LRRC74B: variants seen among roughly 807,000 people sequenced by gnomAD.
The protein encoded by LRRC74B is leucine rich repeat containing 74B.
Under a neutral mutation model 16.6 loss-of-function variants are expected in LRRC74B, and 30 were observed. That is an observed-to-expected ratio of 1.80 (90% CI 1.35 to 2.45). The LOEUF (loss-of-function observed/expected upper bound fraction) is 2.45. Among genes scored for constraint, LRRC74B ranks in the 30% most tolerant of loss-of-function variants. LRRC74B has a pLI of 0.00. For synonymous variants in LRRC74B, 134 were observed against 86.0 expected, an observed-to-expected ratio of 1.56 and a Z score of -3.09; for missense variants, 326 against 202.4, an observed-to-expected ratio of 1.61 and a Z score of -3.71.
downstream of LRRC74B, chr22:21,064,073 G>C (rs911391550): frequency 2.0e-5 from 3 of 149,688 alleles, no homozygotes; most frequent in African/African-American, 7.3e-5. Context: ...ATCCATGCCC[G>C]GGGGCAATTG....
rs1601801592 is a variant in LRRC74B, at chr22:21,046,202, G to C, written c.139+77G>C. ...CGCAGGGGTTGGGGGAGGCGGGCTG[G>C]GGCTAAGGCCAGCAGGGAACGTACC... On this transcript the variant is annotated intron_variant, in intron 1 of 8. Transcript: ENST00000442047. 11 of 695,994 alleles carry C rather than the reference G, an allele frequency of 1.6e-5. No homozygotes were observed. In the East Asian group the frequency reaches 3.0e-4, roughly 19 times the overall value. 43.1% of individuals were successfully genotyped at this position (695,994 alleles called of 1,614,324 possible).
In LRRC74B at chr22:21,055,062, G is replaced by A. The variant is rs562867316; in HGVS notation, c.849-36G>A. Reference sequence around the variant, plus strand: ...TGGGCTCTGCACCGCTGCTTGGAAGGTTGCACAATGCATGTGCCTGTTGTT... The same window carrying A: ...TGGGCTCTGCACCGCTGCTTGGAAGATTGCACAATGCATGTGCCTGTTGTT... On this transcript the variant is annotated intron_variant, in intron 6 of 8. Transcript: ENST00000442047. 8.1e-5 allele frequency: 58 copies of A among 714,980 alleles called. No homozygotes were observed. The African/African-American group carries it at 9.1e-4, about 11-fold the overall frequency. 44.3% of individuals were successfully genotyped at this position (714,980 alleles called of 1,614,324 possible).
downstream of LRRC74B, chr22:21,060,703 C>A (rs1930769795): frequency 1.9e-6 from 1 of 522,788 alleles, no homozygotes; most frequent in Non-Finnish European, 3.4e-6. Context: ...CCCACGGACC[C>A]TGCACTCATC....
chr22:21,047,963 GGGCAGGTGCAGAGGCCCT>G (rs1327102388), exon 3 of LRRC74B: 3 of 717,262 alleles, frequency 4.2e-6, no homozygotes, highest in African/African-American at 1.7e-5. Context: ...GGGCTCTGTG[GGGCAGGTGCAGAGGCCCT>G]GGCAGGTGCC....
chr22:21,060,531 T>C (rs1344381652), downstream of LRRC74B: 2 of 701,610 alleles, frequency 2.9e-6, no homozygotes, highest in Non-Finnish European at 5.3e-6. Context: ...CTAAGTGACC[T>C]TGGAGTGTGG....
chr22:21,052,444 C>T (rs552504646), intron 5 of LRRC74B, 86 bp downstream of exon 5: 7 of 694,664 alleles, frequency 1.0e-5, no homozygotes, highest in African/African-American at 1.8e-5. Context: ...TGCAGCTCCT[C>T]GGAAATGAAC....
intron 7 of LRRC74B, among the ~76,000 whole-genome samples, chr22:21,056,064 A>C (rs1930498678): frequency 6.6e-6 from 1 of 151,626 alleles, no homozygotes; most frequent in East Asian, 1.9e-4. Context: ...CCCTCTTCTG[A>C]CTTCCTCTCT....
chr22:21,046,962 G>A (rs1433641169), intron 1 of LRRC74B, among the ~76,000 whole-genome samples: 1 of 151,824 alleles, frequency 6.6e-6, no homozygotes, highest in Non-Finnish European at 1.5e-5. Flanking sequence ...GTGTGGTGGT[G>A]GGCGCCTGTA....
At chr22:21,047,299 G>A (rs1569193156) in intron 1 of LRRC74B, 57 bp from the exon 2 acceptor site, 4 of 696,498 alleles carry the variant, frequency 5.7e-6, no homozygotes, top group Admixed American at 2.1e-5. Context: ...GGGCAGGGGA[G>A]GACACAGGTG....
intron 4 of LRRC74B, among the ~76,000 whole-genome samples, chr22:21,050,767 G>GACTCTGTC (rs1491074526): frequency 8.7e-6 from 1 of 115,492 alleles, no homozygotes; most frequent in Non-Finnish European, 1.7e-5. Flanking sequence ...GAAAGAGCGA[G>GACTCTGTC]ACTCTGTCTC....
chr22:21,053,256 T>A (rs895093197), intron 5 of LRRC74B, 104 bp from the exon 6 acceptor site: 11 of 639,928 alleles, frequency 1.7e-5, no homozygotes, highest in Non-Finnish European at 2.6e-5. Flanking sequence ...CTGCCCTTTA[T>A]CTCTTATCTT....
intron 3 of LRRC74B, 51 bp from the exon 4 acceptor site, chr22:21,048,900 G>A (rs1055495214): frequency 1.4e-6 from 1 of 703,768 alleles, no homozygotes; most frequent in African/African-American, 1.8e-5. Flanking sequence ...CAGAAGTAGG[G>A]GAGTGCCTGG....
At chr22:21,054,083 A>T (rs1253626157) in intron 6 of LRRC74B, 1 of 152,214 alleles carries the variant, frequency 6.6e-6, no homozygotes, top group African/African-American at 2.4e-5. Context: ...CTTAGCACCT[A>T]GGAAGGCTGA....
exon 4 of LRRC74B, chr22:21,049,005 C>T (rs769386430): frequency 1.3e-5 from 9 of 715,728 alleles, no homozygotes; most frequent in Non-Finnish European, 2.3e-5. Flanking sequence ...GCCCTCTGTG[C>T]CGCCCTCACA....
intron 6 of LRRC74B, among the ~76,000 whole-genome samples, chr22:21,054,232 A>G (rs1276999041): frequency 6.6e-6 from 1 of 152,212 alleles, no homozygotes; most frequent in Non-Finnish European, 1.5e-5. Flanking sequence ...AGGCTGAGGC[A>G]GGAAGATTGC....
chr22:21,056,270 G>A (rs1324535850), intron 7 of LRRC74B, among the ~76,000 whole-genome samples: 3 of 152,186 alleles, frequency 2.0e-5, no homozygotes, highest in African/African-American at 7.2e-5. Context: ...GGGAGGCTGA[G>A]GCAGGCAGAT....
chr22:21,054,576 T>C (rs1930334087), intron 6 of LRRC74B, among the ~76,000 whole-genome samples: 1 of 152,156 alleles, frequency 6.6e-6, no homozygotes, highest in African/African-American at 2.4e-5. Context: ...CTGCCCAGCT[T>C]TCCTCCCCAT....
chr22:21,046,639 A>G (rs1929461215), intron 1 of LRRC74B, among the ~76,000 whole-genome samples: 1 of 151,640 alleles, frequency 6.6e-6, no homozygotes, highest in Non-Finnish European at 1.5e-5. Flanking sequence ...TAAATAAATT[A>G]TTTATTTATT....
chr22:21,051,935 A>G (rs1930094358), intron 4 of LRRC74B, among the ~76,000 whole-genome samples: 1 of 152,038 alleles, frequency 6.6e-6, no homozygotes, highest in African/African-American at 2.4e-5. Context: ...CTGTGCATGC[A>G]CACACCCCTG....
Sources: allele counts gnomAD v4.1 joint callset (sites outside exome capture counted in the v4.1 genomes callset), GRCh38; gene constraint gnomAD v4.1.1; transcripts MANE v1.5; gene names NCBI Gene and HGNC (gene_info 2026-07-23, HGNC 2026-07-21).